Variants in PRDM6 observed in about 807,000 individuals in gnomAD.
PRDM6 encodes the protein putative histone-lysine N-methyltransferase PRDM6.
PRDM6 carries 25 observed loss-of-function variants against 60.8 expected under a neutral mutation model. That is an observed-to-expected ratio of 0.41 (90% confidence interval 0.30 to 0.57). The LOEUF (loss-of-function observed/expected upper bound fraction) is 0.57. Among genes scored for constraint, PRDM6 ranks in the 20% least tolerant of loss-of-function variants. PRDM6 has a pLI of 0.27. For synonymous variants in PRDM6, 407 were observed against 357.4 expected (o/e 1.14, Z -1.57); for missense variants, 839 against 821.3 (o/e 1.02, Z -0.26).
At chr5:123,098,860 A>G (rs904166520) in intron 2 of PRDM6, among the ~76,000 whole-genome samples, 7 of 115,728 alleles carry the variant, frequency 6.0e-5, no homozygotes, top group Admixed American at 1.1e-4. Context: ...GCCCTGCTTC[A>G]GTGCCTGGAG....
chr5:123,110,017 T>C (rs1165915327), intron 3 of PRDM6, among the ~76,000 whole-genome samples: 1 of 152,178 alleles, frequency 6.6e-6, no homozygotes, highest in Non-Finnish European at 1.5e-5. Context: ...CATAGTGGCA[T>C]ATTTGGCACT....
At chr5:123,139,337 T>G (rs1039014752) in intron 3 of PRDM6, among the ~76,000 whole-genome samples, 1 of 152,160 alleles carries the variant, frequency 6.6e-6, no homozygotes, top group East Asian at 1.9e-4. Context: ...CTAAACTGGC[T>G]GAAGTGAGCT....
chr5:123,157,901 C>G (rs1216789798), intron 4 of PRDM6, among the ~76,000 whole-genome samples: 1 of 152,174 alleles, frequency 6.6e-6, no homozygotes, highest in African/African-American at 2.4e-5. Context: ...GTTGGGACGC[C>G]ATGAAGCTAT....
At chr5:123,140,094 C>T (rs192023908) in intron 3 of PRDM6, among the ~76,000 whole-genome samples, 1 of 152,020 alleles carries the variant, frequency 6.6e-6, no homozygotes, top group Non-Finnish European at 1.5e-5. Context: ...GTTGCAAGCT[C>T]GTAGACTTCC....
intron 5 of PRDM6, among the ~76,000 whole-genome samples, chr5:123,160,414 AG>A: frequency 6.6e-6 from 1 of 152,364 alleles, no homozygotes; most frequent in East Asian, 1.9e-4. Flanking sequence ...CACTGGTTTC[AG>A]TGATATTGTG....
intron 5 of PRDM6, among the ~76,000 whole-genome samples, chr5:123,160,237 C>T (rs577276137): frequency 4.6e-5 from 7 of 152,274 alleles, no homozygotes; most frequent in African/African-American, 1.7e-4. Flanking sequence ...TCTTTATTAC[C>T]GTGCCAACCA....
intron 3 of PRDM6, among the ~76,000 whole-genome samples, chr5:123,148,424 G>C (rs1765295747): frequency 6.6e-6 from 1 of 151,994 alleles, no homozygotes; most frequent in African/African-American, 2.4e-5. Context: ...CAACAACAAA[G>C]TAAGTTAATT....
intron 3 of PRDM6, among the ~76,000 whole-genome samples, chr5:123,118,696 C>G (rs761623815): frequency 5.9e-5 from 9 of 152,174 alleles, no homozygotes; most frequent in Non-Finnish European, 1.0e-4. Context: ...TAATGTCTTA[C>G]ATTTGGTAGC....
intron 3 of PRDM6, among the ~76,000 whole-genome samples, chr5:123,112,303 C>G (rs573529556): frequency 1.3e-5 from 2 of 152,318 alleles, no homozygotes; most frequent in East Asian, 3.9e-4. Context: ...CGACACTGGC[C>G]TTTCCACTTC....
chr5:123,136,793 A>G (rs549623036), intron 3 of PRDM6, among the ~76,000 whole-genome samples: 3 of 152,208 alleles, frequency 2.0e-5, no homozygotes, highest in Admixed American at 6.5e-5. Flanking sequence ...TTTACTTTCC[A>G]TATTACTTTC....
At chr5:123,142,770 T>G (rs1373826792) in intron 3 of PRDM6, among the ~76,000 whole-genome samples, 1 of 151,380 alleles carries the variant, frequency 6.6e-6, no homozygotes, top group African/African-American at 2.4e-5. Context: ...GGATTCTATT[T>G]CAGTTTGCTT....
At chr5:123,159,733 T>G in intron 5 of PRDM6, 95 bp downstream of exon 5, 3 of 1,212,004 alleles carry the variant, frequency 2.5e-6, no homozygotes, top group Non-Finnish European at 3.5e-6. Context: ...GAAACGTGGT[T>G]CACTGTAATA....
chr5:123,162,411 GTTC>G (rs1765655640), intron 5 of PRDM6, among the ~76,000 whole-genome samples: 1 of 152,184 alleles, frequency 6.6e-6, no homozygotes, highest in Admixed American at 6.5e-5. Flanking sequence ...TTGCTTTTCA[GTTC>G]TTCTTTCTGC....
At position 123,189,194 on chromosome 5, in the gene PRDM6, G is replaced by A. The variant is rs1274323383; in HGVS notation, c.*1993G>A. On this transcript the variant is annotated 3_prime_UTR_variant, in exon 8 of 8. Transcript: ENST00000407847. ...GTTTGCAAACAATGTGCGTCACTGGGAAGTGTGAATGAAATGTAGCCATAT... is the reference window on the plus strand; with the variant it reads ...GTTTGCAAACAATGTGCGTCACTGGAAAGTGTGAATGAAATGTAGCCATAT... 6.6e-6 allele frequency: 1 copy of A among 152,188 alleles called. No individual in the cohort carries two copies. The highest frequency in any genetic ancestry group is 1.5e-5 in the Non-Finnish European group (1 of 68,038). The allele number at this position is 152,188 out of a possible 1,614,324, so 9.4% of individuals were successfully genotyped here.
intron 3 of PRDM6, among the ~76,000 whole-genome samples, chr5:123,109,490 A>G (rs1454539628): frequency 1.3e-5 from 2 of 152,312 alleles, no homozygotes; most frequent in African/African-American, 4.8e-5. Flanking sequence ...AAAAGATTGT[A>G]TGTATTAATG....
rs1455015371 is a variant in PRDM6, at chr5:123,190,218, C to G, written c.*3017C>G. ...ATAATTTTTTCAGAATAAGACTTTT[C>G]ATCCTAGCGTATGTTCCTTTATTTA... On this transcript the variant is annotated 3_prime_UTR_variant, in exon 8 of 8. Transcript: ENST00000407847. 6.6e-6 allele frequency: 1 copy of G among 152,134 alleles called. No homozygotes were observed. The highest frequency in any genetic ancestry group is 1.5e-5 in the Non-Finnish European group (1 of 68,020). 9.4% of individuals were successfully genotyped at this position (152,134 alleles called of 1,614,324 possible). A position where few individuals can be genotyped will look rare whatever the true frequency, so the allele number is the denominator to read the frequency against.
At chr5:123,150,820 A>G (rs1214789895) in intron 3 of PRDM6, among the ~76,000 whole-genome samples, 3 of 152,312 alleles carry the variant, frequency 2.0e-5, no homozygotes, top group East Asian at 1.9e-4. Flanking sequence ...GAAATCTCCA[A>G]CGACCTTTTC....
At chr5:123,105,977 T>C (rs1208221920) in intron 3 of PRDM6, among the ~76,000 whole-genome samples, 1 of 152,224 alleles carries the variant, frequency 6.6e-6, no homozygotes, top group African/African-American at 2.4e-5. Flanking sequence ...GCTCAAACCC[T>C]GATTTACTCA....
At chr5:123,154,737 G>A (rs76368590) in intron 3 of PRDM6, among the ~76,000 whole-genome samples, 1,612 of 152,218 alleles carry the variant, frequency 0.011, 21 homozygotes, top group African/African-American at 0.037. Flanking sequence ...TTGGAAGGGC[G>A]GACTAGCAAG....
Sources: allele counts gnomAD v4.1 joint callset (sites outside exome capture counted in the v4.1 genomes callset), GRCh38; gene constraint gnomAD v4.1.1; transcripts MANE v1.5; gene names NCBI Gene and HGNC (gene_info 2026-07-23, HGNC 2026-07-21).